The following DPY19L1 variants were observed in gnomAD, a reference collection of about 807,000 sequenced individuals.
DPY19L1 encodes protein C-mannosyl-transferase DPY19L1.
Under a neutral mutation model 96.9 loss-of-function variants are expected in DPY19L1, and 35 were observed. The observed-to-expected ratio is 0.36, with a 90% CI of 0.28 to 0.48. The LOEUF is 0.48. Among genes scored for constraint, DPY19L1 ranks in the 20% least tolerant of loss-of-function variants. The pLI is 0.99. For synonymous variants in DPY19L1, 205 were observed against 252.6 expected, an observed-to-expected ratio of 0.81 and a Z score of 1.79; for missense variants, 521 against 777.9, an observed-to-expected ratio of 0.67 and a Z score of 3.93.
At chr7:35,004,560 T>C (rs1009819732) in intron 6 of DPY19L1, among the ~76,000 whole-genome samples, 1 of 152,244 alleles carries the variant, frequency 6.6e-6, no homozygotes, top group African/African-American at 2.4e-5. Context: ...CTAATCTGTG[T>C]CATGGGTACA....
chr7:34,990,265 T>C (rs779895562), intron 6 of DPY19L1, among the ~76,000 whole-genome samples: 2 of 152,200 alleles, frequency 1.3e-5, no homozygotes, highest in Non-Finnish European at 2.9e-5. Flanking sequence ...TTTTCTTTAG[T>C]ACCTCATATT....
At chr7:35,038,041 G>A, upstream of DPY19L1, 1 of 601,916 alleles carries the variant, frequency 1.7e-6, no homozygotes, top group Non-Finnish European at 2.4e-6. Context: ...GCCACTTAGG[G>A]GCGCTGTGCG....
chr7:35,002,045 T>C (rs1178655787), intron 6 of DPY19L1, among the ~76,000 whole-genome samples: 1 of 149,516 alleles, frequency 6.7e-6, no homozygotes, highest in Admixed American at 6.8e-5. Context: ...AAAAATTGCT[T>C]GAACCCAGGA....
At position 34,986,632 on chromosome 7, in the gene DPY19L1, T is replaced by C. The variant is rs192384923; in HGVS notation, c.822+3252A>G. ...AATTCTTTTCCAAATCTTATATAAA[T>C]GGCATAACTATTTCAATAATTAGGA... On this transcript the variant is annotated intron_variant, in intron 7 of 21. Transcript: ENST00000638088. Among the ~76,000 whole-genome samples the C allele has an allele frequency of 4.0e-3, 616 of 152,116 alleles. 1 individual carries two copies. The highest frequency in any genetic ancestry group is 0.014 in the African/African-American group (586 of 41,556).
chr7:34,994,946 A>G (rs1785251120), intron 6 of DPY19L1, among the ~76,000 whole-genome samples: 1 of 152,152 alleles, frequency 6.6e-6, no homozygotes, highest in African/African-American at 2.4e-5. Flanking sequence ...CGGTGACAAC[A>G]TTCCTTTTTC....
intron 6 of DPY19L1, among the ~76,000 whole-genome samples, chr7:35,008,614 AG>A (rs1161273392): frequency 1.3e-5 from 2 of 152,194 alleles, no homozygotes; most frequent in African/African-American, 2.4e-5. Flanking sequence ...GACTGCTTGA[AG>A]CCAGTGGTTT....
intron 10 of DPY19L1, among the ~76,000 whole-genome samples, chr7:34,964,416 T>C (rs1784568314): frequency 6.6e-6 from 1 of 152,096 alleles, no homozygotes; most frequent in Admixed American, 6.5e-5. Context: ...TTTTAAATAG[T>C]TTGGGGAAAA....
At chr7:34,989,144 A>C (rs1329993103) in intron 7 of DPY19L1, among the ~76,000 whole-genome samples, 1 of 152,202 alleles carries the variant, frequency 6.6e-6, no homozygotes, top group Non-Finnish European at 1.5e-5. Context: ...CTTGAACACT[A>C]AAATATTTTG....
In DPY19L1 at chr7:34,957,941, A is replaced by G. The variant is rs1439726353; in HGVS notation, c.1179+43T>C. 12 of 1,321,120 alleles carry G rather than the reference A, an allele frequency of 9.1e-6. No homozygotes were observed. The Admixed American group carries it at 2.6e-4, about 28-fold the overall frequency. The allele number at this position is 1,321,120 out of a possible 1,614,324, so 81.8% of individuals were successfully genotyped here. On this transcript the variant is annotated intron_variant, in intron 11 of 21. Coordinates refer to ENST00000638088, the MANE Select transcript of DPY19L1 (RefSeq NM_001366673.1). ...CCAGTGAAGAAAAAATTGTTAAACC[A>G]TTAGTTTCAAAAACAGCCATATAAG...
At chr7:34,949,158 A>T (rs1230277210) in intron 14 of DPY19L1, among the ~76,000 whole-genome samples, 1 of 152,208 alleles carries the variant, frequency 6.6e-6, no homozygotes, top group African/African-American at 2.4e-5. Flanking sequence ...AAGTATTGCA[A>T]ATTAATATTT....
chr7:34,976,484 CA>C (rs1784833194), intron 7 of DPY19L1, among the ~76,000 whole-genome samples: 1 of 152,018 alleles, frequency 6.6e-6, no homozygotes, highest in Non-Finnish European at 1.5e-5. Context: ...GTTGAAATGA[CA>C]AAAAAGGATT....
intron 10 of DPY19L1, among the ~76,000 whole-genome samples, chr7:34,962,218 A>C (rs1483280706): frequency 2.0e-5 from 3 of 152,244 alleles, no homozygotes; most frequent in African/African-American, 7.2e-5. Flanking sequence ...GCAAATAAAT[A>C]AACAGTGGTA....
intron 10 of DPY19L1, among the ~76,000 whole-genome samples, chr7:34,963,291 C>T (rs1163289283): frequency 6.6e-6 from 1 of 151,354 alleles, no homozygotes; most frequent in Non-Finnish European, 1.5e-5. Flanking sequence ...GGTGAGATAT[C>T]ACCTTATACC....
intron 21 of DPY19L1, among the ~76,000 whole-genome samples, chr7:34,933,454 T>C (rs1367704363): frequency 1.3e-5 from 2 of 152,230 alleles, no homozygotes; most frequent in Non-Finnish European, 2.9e-5. Flanking sequence ...TATACATAGA[T>C]GCTGTGATGG....
At chr7:34,954,579 T>C (rs938601893) in intron 13 of DPY19L1, 119 bp downstream of exon 13, 6 of 563,156 alleles carry the variant, frequency 1.1e-5, no homozygotes, top group East Asian at 1.0e-4. Context: ...AATAAAATAA[T>C]AGGTGAACAG....
In DPY19L1 at chr7:34,947,545, TA is replaced by T. The variant is rs1478812265; in HGVS notation, c.1494+84del. On this transcript the variant is annotated intron_variant, in intron 15 of 21. Transcript: ENST00000638088. The stretch of plus-strand genomic sequence containing the variant: ...AGCCCATACAAAACGTTGTATCAGA[TA>T]AATGTGGCCAAGTATATGCGACTAC... 28 of 1,125,510 alleles carry T rather than the reference TA, an allele frequency of 2.5e-5. No homozygotes were observed. In the South Asian group the frequency reaches 3.8e-4, roughly 15 times the overall value. 69.7% of individuals were successfully genotyped at this position (1,125,510 alleles called of 1,614,324 possible). A position where few individuals can be genotyped will look rare whatever the true frequency, so the allele number is the denominator to read the frequency against.
intron 7 of DPY19L1, 44 bp downstream of exon 7, chr7:34,989,840 T>G: frequency 2.0e-6 from 3 of 1,488,960 alleles, no homozygotes; most frequent in Non-Finnish European, 2.7e-6. Context: ...AGAAGAAAAC[T>G]GCATTTCCAG....
chr7:34,977,093 A>ATTG (rs1046466147), intron 7 of DPY19L1, among the ~76,000 whole-genome samples: 75 of 152,180 alleles, frequency 4.9e-4, no homozygotes, highest in Middle Eastern at 3.2e-3. Context: ...AGGTATGTAC[A>ATTG]TTGTTTTTTA....
chr7:34,996,758 G>A (rs536235865), intron 6 of DPY19L1, among the ~76,000 whole-genome samples: 145 of 152,176 alleles, frequency 9.5e-4, no homozygotes, highest in African/African-American at 3.2e-3. Flanking sequence ...GAAATGCCTC[G>A]CAGGATCTGG....
Sources: gnomAD v4.1 joint callset for allele counts (sites outside exome capture counted in the v4.1 genomes callset) on GRCh38, gnomAD v4.1.1 for gene constraint, MANE v1.5 for transcripts, NCBI Gene and HGNC (gene_info 2026-07-23, HGNC 2026-07-21) for gene names.